CSNK2A1: variants seen among roughly 807,000 people sequenced by gnomAD.
CSNK2A1 encodes the protein casein kinase 2 alpha 1.
In CSNK2A1, 10 loss-of-function variants were observed where a neutral mutation model predicts 62.9. The ratio of observed to expected loss-of-function variants is 0.16; its 90% CI spans 0.10 to 0.27. CSNK2A1 has a LOEUF of 0.27. Ranked by LOEUF, CSNK2A1 falls within the 10% of genes least tolerant of loss-of-function variation. The pLI is 1.00. For synonymous variants in CSNK2A1, 124 were observed against 167.8 expected, an observed-to-expected ratio of 0.74 and a Z score of 2.02; for missense variants, 160 against 492.0, an observed-to-expected ratio of 0.33 and a Z score of 6.38.
In CSNK2A1 at chr20:480,079, A is replaced by C. The variant is rs1204998974; in HGVS notation, c.*3882T>G. The C allele has an allele frequency of 2.0e-5, 3 of 152,208 alleles. No individual in the cohort carries two copies. The highest frequency in any genetic ancestry group is 7.2e-5 in the African/African-American group (3 of 41,454). The allele number at this position is 152,208 out of a possible 1,614,324, so 9.4% of individuals were successfully genotyped here. Reference sequence around the variant, plus strand: ...ACTAAATTGGCCAGGATCATTCCTTAGTCTTCAGATACCTATTTATCAGGG... The same window carrying C: ...ACTAAATTGGCCAGGATCATTCCTTCGTCTTCAGATACCTATTTATCAGGG... On this transcript the variant is annotated 3_prime_UTR_variant, in exon 14 of 14. Coordinates refer to ENST00000217244, the MANE Select transcript of CSNK2A1 (RefSeq NM_177559.3).
intron 3 of CSNK2A1, among the ~76,000 whole-genome samples, chr20:505,749 ATTCT>A (rs1237419494): frequency 1.3e-5 from 2 of 150,580 alleles, no homozygotes; most frequent in African/African-American, 4.9e-5. Flanking sequence ...CCTTTCAATT[ATTCT>A]TTCTAATCCC....
intron 13 of CSNK2A1, among the ~76,000 whole-genome samples, 194 bp downstream of exon 13, chr20:486,182 C>A (rs897299413): frequency 1.3e-5 from 2 of 151,990 alleles, no homozygotes; most frequent in African/African-American, 4.8e-5. Flanking sequence ...GAGATTCTAG[C>A]CTAGAAGGGG....
chr20:535,393 A>G (rs533024523), intron 1 of CSNK2A1, among the ~76,000 whole-genome samples: 9 of 152,336 alleles, frequency 5.9e-5, no homozygotes, highest in East Asian at 5.8e-4. Context: ...GTCTATTTTC[A>G]TTTTTTCACA....
intron 1 of CSNK2A1, chr20:540,984 T>C (rs2019438649): frequency 6.6e-6 from 1 of 152,200 alleles, no homozygotes; most frequent in Non-Finnish European, 1.5e-5. Context: ...CAAATTCAGG[T>C]TCCTTCTGGT....
At chr20:485,978 CAT>C (rs1472014439) in intron 13 of CSNK2A1, among the ~76,000 whole-genome samples, 1 of 152,218 alleles carries the variant, frequency 6.6e-6, no homozygotes, top group African/African-American at 2.4e-5. Context: ...TGCTCTGGCA[CAT>C]GTCACGGAAC....
chr20:528,969 T>C (rs941932844), intron 1 of CSNK2A1, among the ~76,000 whole-genome samples: 3 of 152,226 alleles, frequency 2.0e-5, no homozygotes, highest in Non-Finnish European at 4.4e-5. Flanking sequence ...ATGGTTTCAG[T>C]TACCCGCAGT....
Position 534,808 on chromosome 20 carries a change from T to C in CSNK2A1, c.-226-6759A>G, listed in dbSNP as rs536356782. Among the ~76,000 whole-genome samples, 247 of 150,438 alleles carry C rather than the reference T, an allele frequency of 1.6e-3. 1 individual carries two copies. The highest frequency in any genetic ancestry group is 5.5e-3 in the African/African-American group (225 of 40,902). ...CTTTGGGAGGCCGAGATGGGTGGAT[T>C]GCCTGAGCTCAGGTGTTAGAGACCA... is the stretch of plus-strand genomic sequence containing the variant. On this transcript the variant is annotated intron_variant, in intron 1 of 13. Coordinates refer to ENST00000217244, the MANE Select transcript of CSNK2A1 (RefSeq NM_177559.3).
chr20:510,572 G>A (rs570493311), intron 2 of CSNK2A1, among the ~76,000 whole-genome samples: 163 of 152,218 alleles, frequency 1.1e-3, no homozygotes, highest in African/African-American at 3.3e-3. Flanking sequence ...GGAAAAAAAT[G>A]TGCCCACACG....
chr20:516,409 G>A (rs905092225), intron 2 of CSNK2A1, among the ~76,000 whole-genome samples: 1 of 152,164 alleles, frequency 6.6e-6, no homozygotes, highest in Non-Finnish European at 1.5e-5. Context: ...CCCGACTGAA[G>A]TAAGATCACA....
rs574443235 is a variant in CSNK2A1 at position 542,744 on chromosome 20, T to G, written c.-227+928A>C. ...CACGCCCGGCCTCTCTTCTTAGTTT[T>G]CATTTCCTCTCCCCATGTCCCATTC... On this transcript the variant is annotated intron_variant, in intron 1 of 13. Transcript: ENST00000217244. Among the ~76,000 whole-genome samples the G allele has an allele frequency of 2.0e-5, 3 of 152,358 alleles. No homozygotes were observed. In the East Asian group the frequency reaches 5.8e-4, roughly 29 times the overall value.
intron 1 of CSNK2A1, among the ~76,000 whole-genome samples, chr20:542,417 A>G (rs986357515): frequency 3.3e-5 from 5 of 152,188 alleles, no homozygotes; most frequent in African/African-American, 1.2e-4. Context: ...AATTCTTGGA[A>G]AAATCTTCCC....
intron 2 of CSNK2A1, among the ~76,000 whole-genome samples, chr20:522,307 G>C (rs2122611656): frequency 6.6e-6 from 1 of 152,282 alleles, no homozygotes; most frequent in South Asian, 2.1e-4. Flanking sequence ...AGAAAAACCT[G>C]GCAGACTTTA....
rs2018157622 is a variant in CSNK2A1, at chr20:488,903, C to G, written c.724-125G>C. On this transcript the variant is annotated intron_variant, in intron 10 of 13. Coordinates refer to ENST00000217244, the MANE Select transcript of CSNK2A1 (RefSeq NM_177559.3). The stretch of plus-strand genomic sequence containing the variant: ...TACAGGTATGAATGCTACCTCCTAA[C>G]AGTTTAGACTTCAACTCAATGTGAT... 1.4e-5 allele frequency: 11 copies of G among 807,412 alleles called. No individual in the cohort carries two copies. The East Asian group carries it at 3.0e-4, about 22-fold the overall frequency. 50.0% of individuals were successfully genotyped at this position (807,412 alleles called of 1,614,324 possible).
intron 1 of CSNK2A1, among the ~76,000 whole-genome samples, chr20:536,027 G>A (rs1478356176): frequency 6.6e-6 from 1 of 152,122 alleles, no homozygotes; most frequent in Non-Finnish European, 1.5e-5. Context: ...CTTTTCCTGA[G>A]TCTGAGATGG....
intron 2 of CSNK2A1, among the ~76,000 whole-genome samples, chr20:523,230 C>G (rs770730953): frequency 1.3e-5 from 2 of 152,118 alleles, no homozygotes; most frequent in African/African-American, 2.4e-5. Flanking sequence ...TTCTAGAAAA[C>G]AGTTTGGCAA....
chr20:516,923 C>T (rs183056592), intron 2 of CSNK2A1, among the ~76,000 whole-genome samples: 255 of 152,236 alleles, frequency 1.7e-3, no homozygotes, highest in African/African-American at 5.9e-3. Flanking sequence ...ATCATCATCC[C>T]GACAGGACAA....
Position 473,045 on chromosome 20 carries a change from A to T in CSNK2A1, c.*10916T>A, listed in dbSNP as rs1471231762. ...AAAAAAAAGAGTTGGGCTAGGTTTG[A>T]GGTTTATTGTTGCTATGGTTACCCC... On this transcript the variant is annotated 3_prime_UTR_variant, in exon 14 of 14. Transcript: ENST00000217244. 6.6e-6 allele frequency: 1 copy of T among 152,314 alleles called. No individual in the cohort carries two copies. 9.4% of individuals were successfully genotyped at this position (152,314 alleles called of 1,614,324 possible).
intron 9 of CSNK2A1, among the ~76,000 whole-genome samples, chr20:491,683 A>G (rs939475114): frequency 2.0e-5 from 3 of 151,948 alleles, no homozygotes; most frequent in African/African-American, 7.2e-5. Context: ...AAAACAAACA[A>G]AAGGCCGGGC....
chr20:474,787 G>C lies in CSNK2A1; in HGVS notation c.*9174C>G, dbSNP rs1303675525. 3 of 152,160 alleles carry C rather than the reference G, an allele frequency of 2.0e-5. No individual in the cohort carries two copies. The highest frequency in any genetic ancestry group is 4.4e-5 in the Non-Finnish European group (3 of 68,034). The allele number at this position is 152,160 out of a possible 1,614,324, so 9.4% of individuals were successfully genotyped here. ...TCATACTGTAATCCTGGTTAGACCA[G>C]TATTCAGTGTTTCCATTATGACTAC... On this transcript the variant is annotated 3_prime_UTR_variant, in exon 14 of 14. Coordinates refer to ENST00000217244, the MANE Select transcript of CSNK2A1 (RefSeq NM_177559.3).
Sources: allele counts gnomAD v4.1 joint callset (sites outside exome capture counted in the v4.1 genomes callset), GRCh38; gene constraint gnomAD v4.1.1; transcripts MANE v1.5; gene names NCBI Gene and HGNC (gene_info 2026-07-23, HGNC 2026-07-21).